Variants in BRD4 observed in about 807,000 individuals in gnomAD.
The protein encoded by BRD4 is bromodomain containing 4.
Under a neutral mutation model 142.1 loss-of-function variants are expected in BRD4, and 16 were observed. That is an observed-to-expected ratio of 0.11 (90% CI 0.08 to 0.17). The LOEUF (loss-of-function observed/expected upper bound fraction) is 0.17. Ranked by LOEUF, BRD4 falls within the 10% of genes least tolerant of loss-of-function variation. The pLI is 1.00. For missense variants in BRD4, 1,424 were observed against 1,810.9 expected, an observed-to-expected ratio of 0.79 and a Z score of 3.88; for synonymous variants, 833 against 707.5, an observed-to-expected ratio of 1.18 and a Z score of -2.82.
rs2145499237 is a variant in BRD4, at chr19:15,239,020, C to T, written c.3782+39G>A. 6.3e-7 allele frequency: 1 copy of T among 1,576,190 alleles called. No homozygotes were observed. The highest frequency in any genetic ancestry group is 8.6e-7 in the Non-Finnish European group (1 of 1,164,322). ...CCAGTCAGCCTGGGGACTGGTGTGG[C>T]CCCAAGAGTCCCCATGCCCCACCCA... On this transcript the variant is annotated intron_variant, in intron 18 of 19. Transcript: ENST00000679869. The surrounding 1 kb of genome is among the most constrained non-coding windows in gnomAD (Gnocchi z 7.4).
rs2047214810 is a variant in BRD4, at chr19:15,238,882, T to C, written c.3881A>G (p.Gln1294Arg). The C allele has an allele frequency of 6.3e-7, 1 of 1,598,428 alleles. No individual in the cohort carries two copies. Among genetic ancestry groups the C allele is most frequent in the Non-Finnish European group, 8.5e-7 (1 of 1,173,290 alleles). ...AGCTGCTTGCTGTTGCTGCTGCTGC[T>C]GTTGCTCCTGGCGCTGCTGCTGCTG... is the stretch of plus-strand genomic sequence containing the variant. Reference protein sequence around the residue: ...EQQQQQRQEQQQQQQQQAAAV... With the variant: ...EQQQQQRQEQRQQQQQQAAAV... The change falls in exon 19 of 20, where the codon CAG (glutamine) becomes CGG (arginine). Residue 1294 changes from glutamine (Q) to arginine (R), a missense_variant. Gln to Arg is a conservative substitution (Grantham distance 43). Around this residue, in one of 16 missense-constraint regions of BRD4, gnomAD observed 109 missense variants for 117.9 expected, o/e 0.92. Transcript: ENST00000679869. The surrounding 1 kb of genome is among the most constrained non-coding windows in gnomAD (Gnocchi z 7.2).
At chr19:15,271,786 C>T (rs2047590001) in intron 2 of BRD4, among the ~76,000 whole-genome samples, 1 of 152,216 alleles carries the variant, frequency 6.6e-6, no homozygotes, top group South Asian at 2.1e-4. Flanking sequence ...CTGCCCTGTT[C>T]TGATTATCTT....
rs1368408404 is a variant in BRD4 at position 15,265,503 on chromosome 19, C to T, written c.700G>A (p.Val234Ile). The change falls in exon 5 of 20, where the codon GTC becomes ATC. Residue 234 changes from valine (V) to isoleucine (I), a missense_variant. By Grantham distance (29) the Val-to-Ile change is conservative. This residue lies in a region of BRD4 where 140 missense variants were observed against 131.7 expected (regional missense o/e 1.06). Coordinates refer to ENST00000679869, the MANE Select transcript of BRD4 (RefSeq NM_001379291.1). ...ACCACTGTCATGACAGGGGTCTGGA[C>T]GATGAGGTCCGGGGTGACGGCAGGG... ...PFPAVTPDLI[V>I]QTPVMTVVPP... The T allele has an allele frequency of 9.9e-6, 16 of 1,612,830 alleles. No homozygotes were observed. The highest frequency in any genetic ancestry group is 2.2e-5 in the East Asian group (1 of 44,854).
intron 1 of BRD4, among the ~76,000 whole-genome samples, chr19:15,310,744 C>T (rs1489722920): frequency 6.6e-6 from 1 of 151,686 alleles, no homozygotes; most frequent in Non-Finnish European, 1.5e-5. Flanking sequence ...ATCCACCTGC[C>T]TCGGCCTCCC....
intron 1 of BRD4, among the ~76,000 whole-genome samples, chr19:15,285,153 C>A (rs2047730699): frequency 6.6e-6 from 1 of 152,214 alleles, no homozygotes; most frequent in Admixed American, 6.5e-5. Context: ...AAGTTCACTC[C>A]CCTGCAGATG....
intron 7 of BRD4, among the ~76,000 whole-genome samples, chr19:15,260,615 C>G (rs910491354): frequency 3.3e-5 from 5 of 152,142 alleles, no homozygotes; most frequent in African/African-American, 9.7e-5. Context: ...CAGCACCCCC[C>G]ACCCCTTGCC....
rs1195390127 is a variant in BRD4 at position 15,256,986 on chromosome 19, C to T, written c.1529G>A (p.Arg510Gln). 6.3e-7 allele frequency: 1 copy of T among 1,581,256 alleles called. No homozygotes were observed. Among genetic ancestry groups the T allele is most frequent in the Non-Finnish European group, 8.6e-7 (1 of 1,164,536 alleles). Residue 510 changes from arginine (R) to glutamine (Q), a missense_variant, in exon 8 of 20, where the codon CGG becomes CAG. Around this residue, in one of 16 missense-constraint regions of BRD4, gnomAD observed 90 missense variants for 93.2 expected, o/e 0.97. Coordinates refer to ENST00000679869, the MANE Select transcript of BRD4 (RefSeq NM_001379291.1). Reference sequence around the variant, plus strand: ...CACCTGCTCCTGGAGCTCAGCCAGCCGCTGGGCTCGCTCCTCCTCAGAGTC... The same window carrying T: ...CACCTGCTCCTGGAGCTCAGCCAGCTGCTGGGCTCGCTCCTCCTCAGAGTC... ...TDDSEEERAQ[R>Q]LAELQEQLKA...
intron 1 of BRD4, among the ~76,000 whole-genome samples, chr19:15,317,135 C>A (rs1393918103): frequency 2.0e-5 from 3 of 152,230 alleles, no homozygotes; most frequent in African/African-American, 7.2e-5. Context: ...CAAGTACTTA[C>A]CAACTCTGTG....
intron 1 of BRD4, among the ~76,000 whole-genome samples, chr19:15,317,696 C>T (rs983196472): frequency 2.6e-5 from 4 of 152,040 alleles, no homozygotes; most frequent in African/African-American, 9.7e-5. Context: ...CCAGCTCTCA[C>T]AAGTGCAAAG....
chr19:15,240,050 A>T, intron 14 of BRD4, 28 bp from the exon 15 acceptor site: 1 of 1,592,052 alleles, frequency 6.3e-7, no homozygotes, highest in South Asian at 1.1e-5. Context: ...GAATGTGTCA[A>T]GGGGCTGGCT....
At chr19:15,317,700 T>A (rs1003638860) in intron 1 of BRD4, among the ~76,000 whole-genome samples, 1 of 152,042 alleles carries the variant, frequency 6.6e-6, no homozygotes, top group South Asian at 2.1e-4. Context: ...CTCTCACAAG[T>A]GCAAAGGACA....
At chr19:15,264,225 AG>A (rs1210110194) in intron 6 of BRD4, 178 bp downstream of exon 6, 6 of 776,176 alleles carry the variant, frequency 7.7e-6, no homozygotes, top group Non-Finnish European at 9.9e-6. Context: ...ACCAGGTCTC[AG>A]AGCACGTCCC....
At chr19:15,312,634 T>C (rs1423079907) in intron 1 of BRD4, among the ~76,000 whole-genome samples, 1 of 146,536 alleles carries the variant, frequency 6.8e-6, no homozygotes, top group African/African-American at 2.6e-5. Flanking sequence ...ATCCGTCAAA[T>C]CAAACAACAA....
At chr19:15,313,687 G>C (rs1224170688) in intron 1 of BRD4, among the ~76,000 whole-genome samples, 1 of 152,102 alleles carries the variant, frequency 6.6e-6, no homozygotes, top group Non-Finnish European at 1.5e-5. Flanking sequence ...AAAAAAGTGT[G>C]AATGTAATGA....
intron 1 of BRD4, among the ~76,000 whole-genome samples, chr19:15,309,352 A>C (rs1015320305): frequency 1.4e-4 from 21 of 152,062 alleles, no homozygotes; most frequent in Admixed American, 3.9e-4. Context: ...AAAAAAAAAA[A>C]AAAACCAACA....
chr19:15,273,038 A>C lies in BRD4; in HGVS notation c.62T>G (p.Leu21Arg). The C allele has an allele frequency of 6.2e-7, 1 of 1,613,264 alleles. No individual in the cohort carries two copies. Among genetic ancestry groups the C allele is most frequent in the Non-Finnish European group, 8.5e-7 (1 of 1,179,348 alleles). ...TGTTGTAGACATTTGGGAAGTTTCT[A>C]GTCCATCCCCCATTACTGGCAGATT... ...LRNLPVMGDG[L>R]ETSQMSTTQA... The change falls in exon 2 of 20, where the codon CTA becomes CGA. Residue 21 changes from leucine (L) to arginine (R), a missense_variant. Transcript: ENST00000679869.
intron 1 of BRD4, among the ~76,000 whole-genome samples, chr19:15,300,257 A>G (rs772102982): frequency 2.6e-5 from 4 of 152,084 alleles, no homozygotes; most frequent in Non-Finnish European, 1.5e-5. Context: ...AAATAAATAA[A>G]AACAAATAAA....
At chr19:15,275,129 G>A (rs1164152841) in intron 1 of BRD4, among the ~76,000 whole-genome samples, 3 of 152,136 alleles carry the variant, frequency 2.0e-5, no homozygotes, top group African/African-American at 7.2e-5. Context: ...AAATTGCTGG[G>A]GTTACAGGCG....
At chr19:15,311,570 C>T (rs892933112) in intron 1 of BRD4, among the ~76,000 whole-genome samples, 1 of 151,914 alleles carries the variant, frequency 6.6e-6, no homozygotes, top group African/African-American at 2.4e-5. Context: ...GTGGGTGGAT[C>T]ACCTGAGATC....
Sources: allele counts gnomAD v4.1 joint callset (sites outside exome capture counted in the v4.1 genomes callset), GRCh38; gene constraint gnomAD v4.1.1; regional missense constraint gnomAD v4.1.1; non-coding constraint Gnocchi (gnomAD v3.1); transcripts MANE v1.5; gene names NCBI Gene and HGNC (gene_info 2026-07-23, HGNC 2026-07-21).